Variants in C1orf167 observed in about 807,000 individuals in gnomAD.
The protein encoded by C1orf167 is uncharacterized protein C1orf167.
In C1orf167, 153 loss-of-function variants were observed where a neutral mutation model predicts 176.5. The ratio of observed to expected loss-of-function variants is 0.87; its 90% CI spans 0.76 to 0.99. The LOEUF (loss-of-function observed/expected upper bound fraction) is 0.99. C1orf167 is among the 50% of genes least tolerant of loss of function. The pLI, the probability that C1orf167 is intolerant of heterozygous loss-of-function variation, is 0.00. For synonymous variants in C1orf167, 594 were observed against 752.7 expected, an observed-to-expected ratio of 0.79 and a Z score of 3.45; for missense variants, 1,490 against 1,817.7, an observed-to-expected ratio of 0.82 and a Z score of 3.28.
In C1orf167 at chr1:11,788,182, C is replaced by T. The variant is rs1643950909; in HGVS notation, c.3882C>T (p.Ala1294=). 1 of 1,295,024 alleles carries T rather than the reference C, an allele frequency of 7.7e-7. No individual in the cohort carries two copies. Among genetic ancestry groups the T allele is most frequent in the Non-Finnish European group, 1.0e-6 (1 of 981,544 alleles). 80.2% of individuals were successfully genotyped at this position (1,295,024 alleles called of 1,614,324 possible). ...ARSCRILEKQ[A]QAHGSALLLA... ...CCTGCAGGATCCTGGAAAAGCAGGCCCAGGCCCATGGCTCTGCCCTCCTTC... is the reference window on the plus strand; with the variant it reads ...CCTGCAGGATCCTGGAAAAGCAGGCTCAGGCCCATGGCTCTGCCCTCCTTC... The change falls in exon 19 of 21, where the codon GCC becomes GCT. Residue 1294 remains alanine, a synonymous_variant. Transcript: ENST00000688073.
Position 11,775,352 on chromosome 1 carries a change from G to A in C1orf167, c.1989-83G>A, listed in dbSNP as rs777352625. ...AAGTGGCTTGCCCAAGGCCTGGGTA[G>A]TGTGTCTGGCAATGGCAGGCAGCTG... On this transcript the variant is annotated intron_variant, in intron 8 of 20. Transcript: ENST00000688073. 1.0e-4 allele frequency: 110 copies of A among 1,088,808 alleles called. 1 individual carries two copies. Among genetic ancestry groups the A allele is most frequent in the Non-Finnish European group, 1.3e-4 (106 of 826,714 alleles). 67.4% of individuals were successfully genotyped at this position (1,088,808 alleles called of 1,614,324 possible).
Position 11,787,419 on chromosome 1 carries a change from T to C in C1orf167, c.3599T>C (p.Leu1200Pro), listed in dbSNP as rs1283269529. The change falls in exon 17 of 21, where the codon CTG (leucine) becomes CCG (proline). Residue 1200 changes from leucine (L) to proline (P), a missense_variant. Coordinates refer to ENST00000688073, the MANE Select transcript of C1orf167 (RefSeq NM_001010881.2). ...TRSCWTQATE[L>P]VPPAPSLQCS... is the part of the protein sequence containing the mutation. ...AGCTGCTGGACACAGGCCACAGAGC[T>C]GGTGCCTCCCGCGCCATCACTGCAG... 2 of 1,302,858 alleles carry C rather than the reference T, an allele frequency of 1.5e-6. No homozygotes were observed. The highest frequency in any genetic ancestry group is 2.0e-6 in the Non-Finnish European group (2 of 988,436). 80.7% of individuals were successfully genotyped at this position (1,302,858 alleles called of 1,614,324 possible). A position where few individuals can be genotyped will look rare whatever the true frequency, so the allele number is the denominator to read the frequency against.
At chr1:11,784,148 C>A (rs2100402549) in intron 14 of C1orf167, 26 bp from the exon 15 acceptor site, 2 of 1,212,610 alleles carry the variant, frequency 1.6e-6, no homozygotes, top group South Asian at 3.0e-5. Flanking sequence ...AGCCACCACA[C>A]CTGGCCCAAT....
At position 11,785,240 on chromosome 1, in the gene C1orf167, T is replaced by C; in HGVS notation, c.3518T>C (p.Leu1173Pro). 7.7e-7 allele frequency: 1 copy of C among 1,291,404 alleles called. No homozygotes were observed. Among genetic ancestry groups the C allele is most frequent in the South Asian group, 1.2e-5 (1 of 80,994 alleles). 80.0% of individuals were successfully genotyped at this position (1,291,404 alleles called of 1,614,324 possible). ...CGGCCGGCTGAGCTCAGGCGCTTCC[T>C]GCGGACAGTGCAGCTCAGGGTGCGG... ...QLRPAELRRF[L>P]RTVQLRVRLG... Residue 1173 changes from leucine to proline, a missense_variant, in exon 16 of 21, where the codon CTG becomes CCG. Transcript: ENST00000688073.
Position 11,775,444 on chromosome 1 carries a change from G to A in C1orf167, c.1998G>A (p.Gly666=), listed in dbSNP as rs528370510. 2.3e-5 allele frequency: 30 copies of A among 1,299,884 alleles called. No individual in the cohort carries two copies. In the African/African-American group the frequency reaches 4.3e-4, roughly 18 times the overall value. The allele number at this position is 1,299,884 out of a possible 1,614,324, so 80.5% of individuals were successfully genotyped here. A position where few individuals can be genotyped will look rare whatever the true frequency, so the allele number is the denominator to read the frequency against. Residue 666 remains glycine (G), a synonymous_variant, in exon 9 of 21, where the codon GGG becomes GGA. Coordinates refer to ENST00000688073, the MANE Select transcript of C1orf167 (RefSeq NM_001010881.2). ...HQRAWLCRCF[G]AWQQFVQRGS... ...CCCTCTGTTCTCCCAGGTGCTTCGG[G>A]GCGTGGCAGCAGTTCGTGCAAAGAG...
rs1423262555 is a variant in C1orf167 at position 11,788,040 on chromosome 1, A to T, written c.3841A>T (p.Arg1281Trp). The T allele has an allele frequency of 7.7e-7, 1 of 1,295,942 alleles. No individual in the cohort carries two copies. Among genetic ancestry groups the T allele is most frequent in the East Asian group, 5.6e-5 (1 of 17,912 alleles). The allele number at this position is 1,295,942 out of a possible 1,614,324, so 80.3% of individuals were successfully genotyped here. Reference sequence around the variant, plus strand: ...AGCCCAAAGCAAGGCCCATAAACGGAGGCTACGGTAAGAGGAGCTGTGTGT... The same window carrying T: ...AGCCCAAAGCAAGGCCCATAAACGGTGGCTACGGTAAGAGGAGCTGTGTGT... ...CKAQSKAHKR[R>W]LRARSCRILE... The change falls in exon 18 of 21, where the codon AGG (arginine) becomes TGG (tryptophan). Residue 1281 changes from arginine (R) to tryptophan (W), a missense_variant. Transcript: ENST00000688073.
intron 1 of C1orf167, among the ~76,000 whole-genome samples, chr1:11,764,047 G>A (rs753196834): frequency 3.9e-5 from 6 of 152,324 alleles, no homozygotes; most frequent in Non-Finnish European, 5.9e-5. Context: ...CCGGGTAGGC[G>A]TGGAGGAGGT....
At position 11,776,556 on chromosome 1, in the gene C1orf167, C is replaced by T; in HGVS notation, c.2257C>T (p.Leu753=). Residue 753 remains leucine, a synonymous_variant, in exon 10 of 21, where the codon CTG becomes TTG. Transcript: ENST00000688073. The stretch of plus-strand genomic sequence containing the variant: ...GCAGCAGGAGCAAGGCCGGGGCTCC[C>T]TGCAGGATGCCTGCTGGACACTGGC... ...QGQQEQGRGS[L]QDACWTLALC... 2.4e-6 allele frequency: 3 copies of T among 1,274,478 alleles called. No homozygotes were observed. The highest frequency in any genetic ancestry group is 3.1e-6 in the Non-Finnish European group (3 of 976,200). The allele number at this position is 1,274,478 out of a possible 1,614,324, so 78.9% of individuals were successfully genotyped here.
At position 11,784,612 on chromosome 1, in the gene C1orf167, G is replaced by A. The variant is rs775042655; in HGVS notation, c.3425+19G>A. The A allele has an allele frequency of 3.8e-5, 46 of 1,222,040 alleles. No individual in the cohort carries two copies. In the South Asian group the frequency reaches 6.2e-4, roughly 16 times the overall value. 75.7% of individuals were successfully genotyped at this position (1,222,040 alleles called of 1,614,324 possible). A position where few individuals can be genotyped will look rare whatever the true frequency, so the allele number is the denominator to read the frequency against. On this transcript the variant is annotated intron_variant, in intron 15 of 20. Transcript: ENST00000688073. ...GAGCCTGGTGAGTGCTGTGGTCTAA[G>A]TGCAGCCCCACTCTGTGCTTCCAGC...
rs1410190592 is a variant in C1orf167 at position 11,768,368 on chromosome 1, A to T, written c.1542+93A>T. On this transcript the variant is annotated intron_variant, in intron 5 of 20. Transcript: ENST00000688073. This position sits in a 1 kb window ranked among gnomAD's most constrained non-coding sequence, Gnocchi z 4.5. ...TCTACGGAGAGGACACCCACTGGGC[A>T]TAGGTGGCACCTCATGAATGATCAG... 2 of 1,100,680 alleles carry T rather than the reference A, an allele frequency of 1.8e-6. No homozygotes were observed. Among genetic ancestry groups the T allele is most frequent in the East Asian group, 1.2e-4 (2 of 16,744 alleles). The allele number at this position is 1,100,680 out of a possible 1,614,324, so 68.2% of individuals were successfully genotyped here.
At position 11,768,911 on chromosome 1, in the gene C1orf167, G is replaced by T. The variant is rs1298768437; in HGVS notation, c.1543-62G>T. ...GTTACTCCTGTCCCCGCCCCTGCCT[G>T]GTGTTCCCTTGGGAGGCAGATTCAA... On this transcript the variant is annotated intron_variant, in intron 5 of 20. Coordinates refer to ENST00000688073, the MANE Select transcript of C1orf167 (RefSeq NM_001010881.2). The surrounding 1 kb of genome is among the most constrained non-coding windows in gnomAD (Gnocchi z 4.5). 3.1e-6 allele frequency: 3 copies of T among 980,360 alleles called. No individual in the cohort carries two copies. Among genetic ancestry groups the T allele is most frequent in the Admixed American group, 6.2e-5 (1 of 16,248 alleles). 60.7% of individuals were successfully genotyped at this position (980,360 alleles called of 1,614,324 possible). A position where few individuals can be genotyped will look rare whatever the true frequency, so the allele number is the denominator to read the frequency against.
chr1:11,764,338 C>A lies in C1orf167; in HGVS notation c.-63C>A. 8.1e-7 allele frequency: 1 copy of A among 1,232,452 alleles called. No individual in the cohort carries two copies. The highest frequency in any genetic ancestry group is 1.1e-6 in the Non-Finnish European group (1 of 936,936). The allele number at this position is 1,232,452 out of a possible 1,614,324, so 76.3% of individuals were successfully genotyped here. ...CCTGTCCTCTCCCCGCAGGGCCCAT[C>A]TGATTAAACAGACCAGGCCACTCAC... On this transcript the variant is annotated 5_prime_UTR_variant, in exon 2 of 21. In the 5' UTR this introduces an upstream ATG that the reference lacks. Transcript: ENST00000688073.
rs1414093494 is a variant in C1orf167, at chr1:11,778,997, G to C, written c.2568G>C (p.Gln856His). The change falls in exon 12 of 21, where the codon CAG becomes CAC. Residue 856 changes from glutamine to histidine, a missense_variant. Transcript: ENST00000688073. Reference protein sequence around the residue: ...SLLWAAGQRQQGQCLLLWQAR... With the variant: ...SLLWAAGQRQHGQCLLLWQAR... ...TGTGGGCAGCTGGGCAGCGGCAGCA[G>C]GGGCAGTGCCTTCTGCTCTGGCAGG... 2.3e-6 allele frequency: 3 copies of C among 1,303,106 alleles called. No individual in the cohort carries two copies. In the East Asian group the frequency reaches 1.7e-4, roughly 72 times the overall value. 80.7% of individuals were successfully genotyped at this position (1,303,106 alleles called of 1,614,324 possible).
Position 11,768,041 on chromosome 1 carries a change from C to T in C1orf167, c.1344-36C>T. On this transcript the variant is annotated intron_variant, in intron 4 of 20. Coordinates refer to ENST00000688073, the MANE Select transcript of C1orf167 (RefSeq NM_001010881.2). This position sits in a 1 kb window ranked among gnomAD's most constrained non-coding sequence, Gnocchi z 4.5. ...TGGGCTGTCCCTGGGGATAGGAGGGCAGTCCACACCCTGATCAGCCCTGGT... is the reference window on the plus strand; with the variant it reads ...TGGGCTGTCCCTGGGGATAGGAGGGTAGTCCACACCCTGATCAGCCCTGGT... 1 of 1,238,386 alleles carries T rather than the reference C, an allele frequency of 8.1e-7. No individual in the cohort carries two copies. The highest frequency in any genetic ancestry group is 1.0e-6 in the Non-Finnish European group (1 of 959,812). The allele number at this position is 1,238,386 out of a possible 1,614,324, so 76.7% of individuals were successfully genotyped here.
At chr1:11,775,346 T>G (rs1000222865) in intron 8 of C1orf167, 89 bp from the exon 9 acceptor site, 40 of 1,045,372 alleles carry the variant, frequency 3.8e-5, no homozygotes, top group Non-Finnish European at 4.8e-5. Flanking sequence ...GCCCAAGGCC[T>G]GGGTAGTGTG....
rs551575245 is a variant in C1orf167 at position 11,782,309 on chromosome 1, G to C, written c.2981G>C (p.Arg994Pro). Residue 994 changes from arginine to proline, a missense_variant, in exon 14 of 21, where the codon CGG becomes CCG. Arg to Pro is a moderately radical substitution (Grantham distance 103). Coordinates refer to ENST00000688073, the MANE Select transcript of C1orf167 (RefSeq NM_001010881.2). Reference protein sequence around the residue: ...AAAHQRCTVTRPEQLLLQSYF... With the variant: ...AAAHQRCTVTPPEQLLLQSYF... ...GCTCATCAGAGATGCACAGTGACCC[G>C]GCCAGAGCAGCTGCTACTGCAGAGG... 2 of 1,283,896 alleles carry C rather than the reference G, an allele frequency of 1.6e-6. No individual in the cohort carries two copies. The highest frequency in any genetic ancestry group is 1.3e-5 in the South Asian group (1 of 77,852). 79.5% of individuals were successfully genotyped at this position (1,283,896 alleles called of 1,614,324 possible).
intron 6 of C1orf167, among the ~76,000 whole-genome samples, chr1:11,770,977 T>G (rs1356695685): frequency 5.7e-5 from 1 of 17,666 alleles, no homozygotes; most frequent in Non-Finnish European, 7.2e-4. Flanking sequence ...CTAATTTGTG[T>G]GTGTGTGTGT....
At position 11,771,587 on chromosome 1, in the gene C1orf167, A is replaced by G; in HGVS notation, c.1761A>G (p.Thr587=). The change falls in exon 7 of 21, where the codon ACA becomes ACG. Residue 587 remains threonine, a synonymous_variant. Coordinates refer to ENST00000688073, the MANE Select transcript of C1orf167 (RefSeq NM_001010881.2). The part of the protein sequence containing the change: ...QRLLSHPRQR[T]DSRHERVQIL... ...TTCTGTCACATCCTAGGCAGAGAAC[A>G]GACAGCAGACACGAGAGAGTCCAGA... is the stretch of plus-strand genomic sequence containing the variant. 1.6e-6 allele frequency: 2 copies of G among 1,289,868 alleles called. No individual in the cohort carries two copies. The highest frequency in any genetic ancestry group is 2.0e-6 in the Non-Finnish European group (2 of 988,876). The allele number at this position is 1,289,868 out of a possible 1,614,324, so 79.9% of individuals were successfully genotyped here.
Position 11,784,196 on chromosome 1 carries a change from G to A in C1orf167, c.3028G>A (p.Val1010Ile). The A allele has an allele frequency of 8.0e-7, 1 of 1,253,728 alleles. No individual in the cohort carries two copies. The highest frequency in any genetic ancestry group is 1.5e-5 in the African/African-American group (1 of 64,850). 77.7% of individuals were successfully genotyped at this position (1,253,728 alleles called of 1,614,324 possible). A position where few individuals can be genotyped will look rare whatever the true frequency, so the allele number is the denominator to read the frequency against. ...LQSYFQAWCEVVRDTGVLRAQ... is the reference protein window; with the variant it reads ...LQSYFQAWCEIVRDTGVLRAQ... Reference sequence around the variant, plus strand: ...CAGCTACTTCCAGGCCTGGTGTGAGGTTGTAAGAGACACGGGGGTGCTCCG... The same window carrying A: ...CAGCTACTTCCAGGCCTGGTGTGAGATTGTAAGAGACACGGGGGTGCTCCG... The change falls in exon 15 of 21, where the codon GTT (valine) becomes ATT (isoleucine). Residue 1010 changes from valine to isoleucine, a missense_variant. By Grantham distance (29) the Val-to-Ile change is conservative (BLOSUM62 3). Coordinates refer to ENST00000688073, the MANE Select transcript of C1orf167 (RefSeq NM_001010881.2).
Sources: gnomAD v4.1 joint callset for allele counts (sites outside exome capture counted in the v4.1 genomes callset) on GRCh38, gnomAD v4.1.1 for gene constraint, Gnocchi (gnomAD v3.1) non-coding constraint, MANE v1.5 for transcripts, NCBI Gene and HGNC (gene_info 2026-07-23, HGNC 2026-07-21) for gene names.